The following BLK variants were observed in gnomAD, a reference collection of about 807,000 sequenced individuals.
The protein encoded by BLK is BLK proto-oncogene, Src family tyrosine kinase, also known as tyrosine-protein kinase Blk.
In BLK, 64 loss-of-function variants were observed where a neutral mutation model predicts 61.8. The observed-to-expected ratio is 1.03, with a 90% CI of 0.85 to 1.27. BLK has a LOEUF of 1.27. Ranked by LOEUF, BLK falls within the 50% of genes most tolerant of loss-of-function variation. BLK has a pLI of 0.00. For synonymous variants in BLK, 351 were observed against 272.0 expected (o/e 1.29, Z -2.86); for missense variants, 853 against 660.5 (o/e 1.29, Z -3.19).
chr8:11,523,817 C>T (rs2117343724), intron 1 of BLK, among the ~76,000 whole-genome samples: 1 of 147,582 alleles, frequency 6.8e-6, no homozygotes, highest in Non-Finnish European at 1.5e-5. Flanking sequence ...CATCACTTTT[C>T]ACTGAGCAGA....
At chr8:11,536,750 A>T (rs1327194015) in intron 1 of BLK, among the ~76,000 whole-genome samples, 1 of 152,192 alleles carries the variant, frequency 6.6e-6, no homozygotes, top group Non-Finnish European at 1.5e-5. Context: ...CATAAAAAAT[A>T]GTTTTCATCT....
intron 1 of BLK, among the ~76,000 whole-genome samples, chr8:11,508,056 C>G (rs1373907737): frequency 2.0e-5 from 3 of 152,126 alleles, no homozygotes; most frequent in Non-Finnish European, 4.4e-5. Flanking sequence ...GTCATGTGGT[C>G]CTCACAACAG....
In BLK at chr8:11,542,421, G is replaced by T. The variant is rs181152237; in HGVS notation, c.-1-803G>T. On this transcript the variant is annotated intron_variant, in intron 1 of 12. Transcript: ENST00000259089. ...TCTGCATCTCAAGGAAGAGCCCGAT[G>T]TAAGTGCAGGAGTGCAGTGGTCTCA... is the stretch of plus-strand genomic sequence containing the variant. Among the ~76,000 whole-genome samples, 27 of 152,344 alleles carry T rather than the reference G, an allele frequency of 1.8e-4. No homozygotes were observed. In the East Asian group the frequency reaches 5.2e-3, roughly 29 times the overall value.
intron 9 of BLK, 148 bp from the exon 10 acceptor site, chr8:11,557,810 AGTAG>A (rs1801304048): frequency 1.5e-6 from 1 of 681,674 alleles, no homozygotes; most frequent in Non-Finnish European, 2.7e-6. Context: ...ACTCGGCAGC[AGTAG>A]GTAGATCCTT....
chr8:11,494,749 A>G (rs1251903833), intron 1 of BLK, among the ~76,000 whole-genome samples, 158 bp downstream of exon 1: 1 of 152,212 alleles, frequency 6.6e-6, no homozygotes, highest in African/African-American at 2.4e-5. Flanking sequence ...CTATGAATAG[A>G]TTGCTCCATG....
chr8:11,496,182 ATGATTATAT>A (rs1431074097), intron 1 of BLK, among the ~76,000 whole-genome samples: 2 of 152,010 alleles, frequency 1.3e-5, no homozygotes, highest in Non-Finnish European at 2.9e-5. Context: ...TTTCTCATGG[ATGATTATAT>A]TGTTGTTGTT....
intron 12 of BLK, 81 bp from the exon 13 acceptor site, chr8:11,563,820 CTG>C: frequency 1.5e-6 from 2 of 1,377,128 alleles, no homozygotes; most frequent in Admixed American, 2.0e-5. Flanking sequence ...CCTGGGCCCA[CTG>C]TGCCCCGCGG....
intron 1 of BLK, among the ~76,000 whole-genome samples, chr8:11,497,011 G>C (rs943875101): frequency 6.6e-6 from 1 of 152,052 alleles, no homozygotes; most frequent in Non-Finnish European, 1.5e-5. Context: ...TGTATAGAGA[G>C]GTAACAGCAA....
intron 10 of BLK, chr8:11,560,113 G>A (rs1801421433): frequency 4.8e-6 from 1 of 207,844 alleles, no homozygotes; most frequent in South Asian, 8.2e-5. Flanking sequence ...GCAAGGGGAT[G>A]GATGGATGCA....
At chr8:11,537,759 G>A (rs757662273) in intron 1 of BLK, among the ~76,000 whole-genome samples, 9 of 152,166 alleles carry the variant, frequency 5.9e-5, no homozygotes, top group African/African-American at 1.2e-4. Context: ...CTCGTTATCC[G>A]TCAAGTGCTT....
chr8:11,539,568 A>C (rs1000287322), intron 1 of BLK, among the ~76,000 whole-genome samples: 4 of 152,204 alleles, frequency 2.6e-5, no homozygotes, highest in African/African-American at 9.7e-5. Flanking sequence ...CTGAAAATCA[A>C]AAGGTATGTG....
intron 1 of BLK, among the ~76,000 whole-genome samples, chr8:11,534,388 T>C (rs1271432356): frequency 2.0e-5 from 3 of 152,178 alleles, no homozygotes; most frequent in Non-Finnish European, 4.4e-5. Flanking sequence ...AAAACATAAA[T>C]TTACATGGTG....
chr8:11,542,131 A>T (rs993641233), intron 1 of BLK, among the ~76,000 whole-genome samples: 3 of 152,214 alleles, frequency 2.0e-5, no homozygotes, highest in Non-Finnish European at 4.4e-5. Flanking sequence ...GAAATGCATG[A>T]CTGTGTTTCA....
chr8:11,504,608 T>C (rs570954574), intron 1 of BLK, among the ~76,000 whole-genome samples: 1 of 152,266 alleles, frequency 6.6e-6, no homozygotes, highest in East Asian at 1.9e-4. Context: ...CTAAATACTT[T>C]TAGTTAATTG....
intron 2 of BLK, among the ~76,000 whole-genome samples, chr8:11,543,612 C>T (rs1219527893): frequency 2.6e-5 from 4 of 152,104 alleles, no homozygotes; most frequent in Admixed American, 6.5e-5. Flanking sequence ...GAGAGGGTGT[C>T]GTAAGGAAGG....
At chr8:11,535,318 AAGAAAG>A (rs1169485460) in intron 1 of BLK, among the ~76,000 whole-genome samples, 4,121 of 123,770 alleles carry the variant, frequency 0.033, 84 homozygotes, top group East Asian at 0.07. Context: ...GAAAGAAAGA[AAGAAAG>A]AGAAGGAAAA....
At chr8:11,514,248 C>G (rs116498371) in intron 1 of BLK, among the ~76,000 whole-genome samples, 89 of 152,350 alleles carry the variant, frequency 5.8e-4, no homozygotes, top group African/African-American at 2.0e-3. Context: ...AAAGACAGGA[C>G]TCAGCAAATA....
At chr8:11,549,287 C>A (rs1450364464) in intron 5 of BLK, among the ~76,000 whole-genome samples, 165 bp downstream of exon 5, 1 of 152,186 alleles carries the variant, frequency 6.6e-6, no homozygotes, top group Non-Finnish European at 1.5e-5. Flanking sequence ...TCTCTGCTGG[C>A]TCCAGACGAC....
At chr8:11,556,269 G>C in intron 8 of BLK, 2 of 321,940 alleles carry the variant, frequency 6.2e-6, no homozygotes, top group Non-Finnish European at 6.0e-6. Flanking sequence ...AGACCCCCAT[G>C]CGTCATCCTC....
Sources: gnomAD v4.1 joint callset for allele counts (sites outside exome capture counted in the v4.1 genomes callset) on GRCh38, gnomAD v4.1.1 for gene constraint, MANE v1.5 for transcripts, NCBI Gene and HGNC (gene_info 2026-07-23, HGNC 2026-07-21) for gene names.